The following ZCWPW2 variants were observed in gnomAD, a reference collection of about 807,000 sequenced individuals.
ZCWPW2 encodes zinc finger CW-type PWWP domain protein 2.
A neutral mutation model predicts 46.6 loss-of-function variants in ZCWPW2; 45 were observed. The ratio of observed to expected loss-of-function variants is 0.96; its 90% CI spans 0.76 to 1.24. The LOEUF (loss-of-function observed/expected upper bound fraction) is 1.24. ZCWPW2 is among the 50% of genes most tolerant of loss of function. The probability of loss-of-function intolerance (pLI) is 0.00; values close to 1 mark genes in which losing one functional copy is unlikely to be tolerated. For synonymous variants in ZCWPW2, 152 were observed against 137.1 expected, an observed-to-expected ratio of 1.11 and a Z score of -0.76; for missense variants, 429 against 403.9, an observed-to-expected ratio of 1.06 and a Z score of -0.53.
chr3:28,354,521 G>A lies in ZCWPW2; in HGVS notation c.-134+5318G>A, dbSNP rs549007968. On this transcript the variant is annotated intron_variant, in intron 1 of 9. Transcript: ENST00000383768. Reference sequence around the variant, plus strand: ...CATTTTATGAGGCCAGCATCATCCTGATACCAAAGTGTGGCAGAGACACAA... The same window carrying A: ...CATTTTATGAGGCCAGCATCATCCTAATACCAAAGTGTGGCAGAGACACAA... Among the ~76,000 whole-genome samples, 52 of 136,968 alleles carry A rather than the reference G, an allele frequency of 3.8e-4. No individual in the cohort carries two copies. In the South Asian group the frequency reaches 0.012, roughly 33 times the overall value. The allele number at this position is 136,968 out of a possible 152,430, so 89.9% of individuals were successfully genotyped here. A position where few individuals can be genotyped will look rare whatever the true frequency, so the allele number is the denominator to read the frequency against.
chr3:28,514,666 A>T (rs1700517118), intron 7 of ZCWPW2, among the ~76,000 whole-genome samples: 1 of 152,356 alleles, frequency 6.6e-6, no homozygotes, highest in East Asian at 1.9e-4. Flanking sequence ...CTTTATATTC[A>T]TGAAATATTT....
intron 1 of ZCWPW2, among the ~76,000 whole-genome samples, chr3:28,387,737 C>T (rs1401196940): frequency 6.6e-6 from 1 of 152,150 alleles, no homozygotes. Flanking sequence ...TGTCTGCCCA[C>T]TATAACAATG....
At chr3:28,349,809 CT>C (rs1240772416) in intron 1 of ZCWPW2, among the ~76,000 whole-genome samples, 2 of 152,220 alleles carry the variant, frequency 1.3e-5, no homozygotes, top group African/African-American at 2.4e-5. Flanking sequence ...TCACCACCCC[CT>C]TAAAGTAGTA....
chr3:28,356,803 A>G (rs1704748377), intron 1 of ZCWPW2, among the ~76,000 whole-genome samples: 1 of 152,192 alleles, frequency 6.6e-6, no homozygotes, highest in African/African-American at 2.4e-5. Flanking sequence ...GAATTGAACA[A>G]TGAGAACACT....
intron 1 of ZCWPW2, among the ~76,000 whole-genome samples, chr3:28,369,789 C>A (rs372191560): frequency 6.6e-6 from 1 of 152,240 alleles, no homozygotes; most frequent in East Asian, 1.9e-4. Context: ...CCTCCTTGAG[C>A]TGAGGTGGGC....
At chr3:28,429,448 T>A (rs956075982) in intron 3 of ZCWPW2, among the ~76,000 whole-genome samples, 2 of 152,086 alleles carry the variant, frequency 1.3e-5, no homozygotes. Context: ...AAAGATATGG[T>A]TTGGAATTGG....
chr3:28,390,859 A>G (rs1695458153), intron 2 of ZCWPW2, among the ~76,000 whole-genome samples: 1 of 152,192 alleles, frequency 6.6e-6, no homozygotes, highest in Non-Finnish European at 1.5e-5. Flanking sequence ...TTTGAAGTGG[A>G]TAACATCATT....
At chr3:28,484,170 GTT>G (rs879850831) in intron 5 of ZCWPW2, among the ~76,000 whole-genome samples, 1 of 144,050 alleles carries the variant, frequency 6.9e-6, no homozygotes, top group Non-Finnish European at 1.5e-5. Flanking sequence ...GTTTCCTGAG[GTT>G]TTTTTTTTTC....
intron 6 of ZCWPW2, among the ~76,000 whole-genome samples, chr3:28,505,370 C>T (rs1700248009): frequency 6.6e-6 from 1 of 152,122 alleles, no homozygotes; most frequent in Non-Finnish European, 1.5e-5. Flanking sequence ...TAAAGGTTGA[C>T]TAGACTGGAG....
At position 28,413,309 on chromosome 3, in the gene ZCWPW2, G is replaced by T. The variant is rs868086021; in HGVS notation, c.241G>T (p.Glu81Ter). The T allele has an allele frequency of 2.5e-6, 4 of 1,613,174 alleles. No homozygotes were observed. Among genetic ancestry groups the T allele is most frequent in the Non-Finnish European group, 3.4e-6 (4 of 1,179,498 alleles). Residue 81 changes from glutamate to a stop codon, truncating the protein, a stop_gained, in exon 3 of 10, where the codon GAG (glutamate) becomes TAG (stop). Coordinates refer to ENST00000383768, the MANE Select transcript of ZCWPW2 (RefSeq NM_001040432.4). LOFTEE classifies it high-confidence loss of function. The part of the protein sequence containing the change: ...CSISEEDFPE[E>*]SQLHQCGFKI... ...AATTTCTGAAGAAGACTTCCCTGAA[G>T]AGTCTCAGCTTCATCAGTGTGGATT...
rs547763144 is a variant in ZCWPW2, at chr3:28,356,330, G to A, written c.-134+7127G>A. On this transcript the variant is annotated intron_variant, in intron 1 of 9. Coordinates refer to ENST00000383768, the MANE Select transcript of ZCWPW2 (RefSeq NM_001040432.4). ...CCATCTCACACCAGTTAGAATGGCAGTCATTAAATAAAGTCAGGAAACAGC... is the reference window on the plus strand; with the variant it reads ...CCATCTCACACCAGTTAGAATGGCAATCATTAAATAAAGTCAGGAAACAGC... 1.8e-3 allele frequency among the ~76,000 whole-genome samples: 203 copies of A among 113,952 alleles called. 1 individual carries two copies. The highest frequency in any genetic ancestry group is 4.4e-3 in the African/African-American group (147 of 33,640). The allele number at this position is 113,952 out of a possible 152,430, so 74.8% of individuals were successfully genotyped here. A position where few individuals can be genotyped will look rare whatever the true frequency, so the allele number is the denominator to read the frequency against.
intron 2 of ZCWPW2, among the ~76,000 whole-genome samples, chr3:28,393,377 A>G (rs1695572071): frequency 6.6e-6 from 1 of 152,182 alleles, no homozygotes; most frequent in African/African-American, 2.4e-5. Context: ...AATTAATATC[A>G]ATCCTTCTTA....
intron 4 of ZCWPW2, among the ~76,000 whole-genome samples, chr3:28,474,637 G>GCA (rs1699167635): frequency 2.0e-5 from 3 of 150,848 alleles, no homozygotes; most frequent in African/African-American, 4.9e-5. Flanking sequence ...GCGCGCGCGC[G>GCA]CACATGCGCA....
chr3:28,468,683 A>G (rs1181456376), intron 4 of ZCWPW2, among the ~76,000 whole-genome samples: 1 of 152,220 alleles, frequency 6.6e-6, no homozygotes, highest in Non-Finnish European at 1.5e-5. Flanking sequence ...GTGCTGAAGT[A>G]GAAAAACTTT....
chr3:28,465,427 A>C (rs1698783387), intron 4 of ZCWPW2, among the ~76,000 whole-genome samples: 1 of 152,220 alleles, frequency 6.6e-6, no homozygotes, highest in Non-Finnish European at 1.5e-5. Context: ...AGCTAAGTTT[A>C]TGAGAATGAT....
intron 6 of ZCWPW2, among the ~76,000 whole-genome samples, chr3:28,511,357 T>C (rs1286453698): frequency 6.6e-6 from 1 of 152,204 alleles, no homozygotes; most frequent in Non-Finnish European, 1.5e-5. Flanking sequence ...AACAAGATTT[T>C]AAATGGAAAG....
chr3:28,427,526 CT>C (rs1697066807), intron 3 of ZCWPW2, among the ~76,000 whole-genome samples: 1 of 152,132 alleles, frequency 6.6e-6, no homozygotes, highest in African/African-American at 2.4e-5. Flanking sequence ...GTGACAATAT[CT>C]TTCACAATTT....
At chr3:28,372,587 C>A (rs1705371448) in intron 1 of ZCWPW2, among the ~76,000 whole-genome samples, 1 of 152,088 alleles carries the variant, frequency 6.6e-6, no homozygotes, top group East Asian at 1.9e-4. Flanking sequence ...TTTTTCTGTG[C>A]ATTATTTACA....
chr3:28,410,225 A>C (rs1428778468), intron 2 of ZCWPW2, among the ~76,000 whole-genome samples: 3 of 152,140 alleles, frequency 2.0e-5, no homozygotes, highest in Non-Finnish European at 4.4e-5. Context: ...TGACAAAATT[A>C]TGGGGATAAA....
Sources: allele counts gnomAD v4.1 joint callset (sites outside exome capture counted in the v4.1 genomes callset), GRCh38; gene constraint gnomAD v4.1.1; transcripts MANE v1.5; gene names NCBI Gene and HGNC (gene_info 2026-07-23, HGNC 2026-07-21).